The following NRG3 variants were observed in gnomAD, a reference collection of about 807,000 sequenced individuals.
NRG3 encodes the protein pro-neuregulin-3, membrane-bound isoform.
NRG3 carries 31 observed loss-of-function variants against 66.9 expected under a neutral mutation model. The observed-to-expected ratio is 0.46, with a 90% CI of 0.35 to 0.63. The LOEUF (loss-of-function observed/expected upper bound fraction) is 0.63, where lower values mean the gene tolerates loss of function less well. Among genes scored for constraint, NRG3 ranks in the 20% least tolerant of loss-of-function variants. The pLI, the probability that NRG3 is intolerant of heterozygous loss-of-function variation, is 0.00. For missense variants in NRG3, 910 were observed against 878.9 expected, an observed-to-expected ratio of 1.04 and a Z score of -0.45; for synonymous variants, 393 against 359.4, an observed-to-expected ratio of 1.09 and a Z score of -1.06.
At position 82,707,020 on chromosome 10, in the gene NRG3, T is replaced by TAA. The variant is rs781335038; in HGVS notation, c.954-31556_954-31555insAA. Among the ~76,000 whole-genome samples the TAA allele has an allele frequency of 9.2e-3, 313 of 34,084 alleles. 1 individual carries two copies. The highest frequency in any genetic ancestry group is 0.049 in the Middle Eastern group (4 of 82). 22.4% of individuals were successfully genotyped at this position (34,084 alleles called of 152,430 possible). ...AAAAAAAAAAATAAAATAAAATAAA[T>TAA]ATATATATATATATATATGTATATA... is the stretch of plus-strand genomic sequence containing the variant. On this transcript the variant is annotated intron_variant, in intron 2 of 8. Transcript: ENST00000372141.
intron 2 of NRG3, among the ~76,000 whole-genome samples, chr10:82,714,410 G>T (rs934555705): frequency 5.9e-5 from 9 of 152,128 alleles, no homozygotes; most frequent in Admixed American, 3.9e-4. Context: ...CAGCAACAAA[G>T]AAAAGCATAT....
chr10:82,566,690 G>A (rs1461376452), intron 2 of NRG3, among the ~76,000 whole-genome samples: 2 of 151,808 alleles, frequency 1.3e-5, no homozygotes, highest in Non-Finnish European at 1.5e-5. Context: ...GTCACATGAG[G>A]GTTACAGATT....
At chr10:82,323,129 T>C (rs1022537434) in intron 1 of NRG3, among the ~76,000 whole-genome samples, 1 of 152,190 alleles carries the variant, frequency 6.6e-6, no homozygotes, top group African/African-American at 2.4e-5. Context: ...TTACTTTCAG[T>C]CTCTAAATTA....
intron 2 of NRG3, among the ~76,000 whole-genome samples, chr10:82,629,259 C>T (rs993031106): frequency 1.3e-5 from 2 of 152,086 alleles, no homozygotes; most frequent in African/African-American, 4.8e-5. Flanking sequence ...CTACCATTCT[C>T]CCTGAAGTCC....
chr10:82,044,131 T>C (rs1253643654), intron 1 of NRG3, among the ~76,000 whole-genome samples: 1 of 144,974 alleles, frequency 6.9e-6, no homozygotes, highest in Non-Finnish European at 1.5e-5. Flanking sequence ...ATTACAAATA[T>C]GGTGAGCTAA....
At chr10:81,981,131 C>G (rs1467867276) in intron 1 of NRG3, among the ~76,000 whole-genome samples, 1 of 152,120 alleles carries the variant, frequency 6.6e-6, no homozygotes, top group Non-Finnish European at 1.5e-5. Flanking sequence ...AAAATCTTTA[C>G]CGATTTCAGC....
intron 4 of NRG3, among the ~76,000 whole-genome samples, chr10:82,875,638 G>A (rs552266444): frequency 3.3e-5 from 5 of 152,290 alleles, no homozygotes; most frequent in South Asian, 4.1e-4. Flanking sequence ...GATTACAGGC[G>A]TGAGCCAACG....
chr10:82,155,089 T>A (rs879485216), intron 1 of NRG3, among the ~76,000 whole-genome samples: 5 of 151,734 alleles, frequency 3.3e-5, no homozygotes, highest in African/African-American at 4.8e-5. Flanking sequence ...TAAGATAAAT[T>A]TAGTGAAACA....
intron 1 of NRG3, among the ~76,000 whole-genome samples, chr10:82,264,598 G>A (rs1487208709): frequency 6.6e-6 from 1 of 152,186 alleles, no homozygotes; most frequent in Non-Finnish European, 1.5e-5. Flanking sequence ...GGAGTAAAGG[G>A]AAGAATGACT....
intron 1 of NRG3, among the ~76,000 whole-genome samples, chr10:81,883,309 A>C (rs1328162582): frequency 9.2e-5 from 14 of 152,160 alleles, no homozygotes; most frequent in Non-Finnish European, 8.8e-5. Flanking sequence ...TGTTTGTTGG[A>C]AATCTCATCC....
intron 2 of NRG3, among the ~76,000 whole-genome samples, chr10:82,532,001 C>CT: frequency 6.6e-6 from 1 of 151,564 alleles, no homozygotes; most frequent in Non-Finnish European, 1.5e-5. Flanking sequence ...TTTGATTATT[C>CT]TTTTTTTATG....
intron 1 of NRG3, chr10:82,166,953 A>G (rs1013464424): frequency 2.2e-6 from 1 of 452,946 alleles, no homozygotes; most frequent in Non-Finnish European, 3.9e-6. Context: ...CATTATTTTG[A>G]TAAGAAATCT....
intron 2 of NRG3, among the ~76,000 whole-genome samples, chr10:82,450,514 T>A (rs1175137308): frequency 6.6e-6 from 1 of 152,124 alleles, no homozygotes; most frequent in Non-Finnish European, 1.5e-5. Context: ...CTCTTTTTGA[T>A]GTTGTGTTCT....
chr10:82,821,514 A>G (rs1013180350), intron 3 of NRG3, among the ~76,000 whole-genome samples: 17 of 152,122 alleles, frequency 1.1e-4, no homozygotes, highest in Non-Finnish European at 1.9e-4. Context: ...AAAAAAAAAA[A>G]AAAAAGATTC....
At chr10:82,731,366 C>CAAAAA (rs557587083) in intron 2 of NRG3, among the ~76,000 whole-genome samples, 4 of 85,418 alleles carry the variant, frequency 4.7e-5, no homozygotes, top group Admixed American at 1.4e-4. Context: ...TACTCTGTCT[C>CAAAAA]AAAAAAAAAA....
chr10:82,820,844 G>A (rs991685029), intron 3 of NRG3, among the ~76,000 whole-genome samples: 6 of 152,128 alleles, frequency 3.9e-5, no homozygotes, highest in East Asian at 1.9e-4. Context: ...TCTTTTAATC[G>A]TTTTTGTGGT....
At chr10:82,967,137 TTA>T (rs149462086) in intron 6 of NRG3, among the ~76,000 whole-genome samples, 34 of 147,922 alleles carry the variant, frequency 2.3e-4, no homozygotes, top group African/African-American at 6.1e-4. Context: ...ATCAAAGATT[TTA>T]TATATATATA....
intron 1 of NRG3, among the ~76,000 whole-genome samples, chr10:82,345,826 A>G (rs1011707508): frequency 2.2e-4 from 34 of 151,248 alleles, no homozygotes; most frequent in Non-Finnish European, 8.9e-5. Context: ...CTTTGAAGCA[A>G]TTGTGAATGG....
intron 4 of NRG3, among the ~76,000 whole-genome samples, chr10:82,914,856 G>A (rs539076656): frequency 1.3e-5 from 2 of 152,142 alleles, no homozygotes; most frequent in South Asian, 2.1e-4. Flanking sequence ...CTGTAATTGG[G>A]TATTTCTCAT....
Sources: gnomAD v4.1 joint callset for allele counts (sites outside exome capture counted in the v4.1 genomes callset) on GRCh38, gnomAD v4.1.1 for gene constraint, MANE v1.5 for transcripts, NCBI Gene and HGNC (gene_info 2026-07-23, HGNC 2026-07-21) for gene names.